Variants in TMEM117 observed in about 807,000 individuals in gnomAD.
TMEM117 encodes transmembrane protein 117.
Under a neutral mutation model 52.4 loss-of-function variants are expected in TMEM117, and 27 were observed. The observed-to-expected ratio is 0.51, with a 90% CI of 0.38 to 0.71. The LOEUF (loss-of-function observed/expected upper bound fraction) is 0.71. Among genes scored for constraint, TMEM117 ranks in the 30% least tolerant of loss-of-function variants. The probability of loss-of-function intolerance (pLI) is 0.00; values close to 1 mark genes in which losing one functional copy is unlikely to be tolerated. For missense variants in TMEM117, 556 were observed against 630.5 expected (o/e 0.88, Z 1.26); for synonymous variants, 215 against 206.3 (o/e 1.04, Z -0.36).
At chr12:44,332,123 A>G (rs1951278944) in intron 6 of TMEM117, among the ~76,000 whole-genome samples, 1 of 152,062 alleles carries the variant, frequency 6.6e-6, no homozygotes, top group African/African-American at 2.4e-5. Context: ...GAGAAGACAC[A>G]TCTTGACTGC....
intron 5 of TMEM117, among the ~76,000 whole-genome samples, chr12:44,250,266 T>C (rs752584864): frequency 1.3e-5 from 2 of 152,098 alleles, no homozygotes; most frequent in African/African-American, 2.4e-5. Context: ...ATTAGAGAAA[T>C]GCGAATCAAA....
At position 43,888,597 on chromosome 12, in the gene TMEM117, G is replaced by T. The variant is rs185318096; in HGVS notation, c.277+43669G>T. On this transcript the variant is annotated intron_variant, in intron 2 of 7. Transcript: ENST00000266534. ...GAGTCTTGCTCTATCACCCAGGCTG[G>T]AGTGCAGTGGCATGATCTCGGCTCA... is the stretch of plus-strand genomic sequence containing the variant. 7.3e-3 allele frequency among the ~76,000 whole-genome samples: 1,074 copies of T among 146,826 alleles called. 5 individuals are homozygous for T. The highest frequency in any genetic ancestry group is 0.015 in the Middle Eastern group (4 of 266).
At chr12:44,039,955 G>A (rs1946771668) in intron 3 of TMEM117, among the ~76,000 whole-genome samples, 1 of 152,174 alleles carries the variant, frequency 6.6e-6, no homozygotes. Flanking sequence ...TTTCCATAAA[G>A]GTCTTTTAAA....
At chr12:44,174,853 A>G (rs1318693944) in intron 4 of TMEM117, among the ~76,000 whole-genome samples, 1 of 152,166 alleles carries the variant, frequency 6.6e-6, no homozygotes, top group Non-Finnish European at 1.5e-5. Flanking sequence ...AACCTCTCGA[A>G]AAAAGTGGTG....
At chr12:43,946,385 TTTTTTTTTTGTTTG>T (rs1227744840) in intron 3 of TMEM117, among the ~76,000 whole-genome samples, 1 of 22,228 alleles carries the variant, frequency 4.5e-5, no homozygotes, top group African/African-American at 6.9e-5. Context: ...TCTGTTTTTT[TTTTTTTTTTGTTTG>T]TTTTTTTATC....
intron 2 of TMEM117, among the ~76,000 whole-genome samples, chr12:43,912,048 G>A (rs1360628524): frequency 7.8e-5 from 10 of 128,284 alleles, no homozygotes; most frequent in East Asian, 2.4e-4. Flanking sequence ...ACATGCACAC[G>A]TATGTTTATT....
intron 7 of TMEM117, among the ~76,000 whole-genome samples, chr12:44,379,187 AAAGGAAGG>A (rs796991000): frequency 6.6e-6 from 1 of 150,612 alleles, no homozygotes; most frequent in Non-Finnish European, 1.5e-5. Context: ...AGGAAGGAAG[AAAGGAAGG>A]AAGGAAGGAA....
In TMEM117 at chr12:44,299,520, A is replaced by G. The variant is rs538579912; in HGVS notation, c.609-60A>G. The G allele has an allele frequency of 3.4e-4, 535 of 1,571,928 alleles. 1 individual carries two copies. The highest frequency in any genetic ancestry group is 2.0e-4 in the Non-Finnish European group (232 of 1,151,140). ...ATTTAATACAACACAGATAACATGC[A>G]CTCTCTAGTATCTATATTTTATGCC... On this transcript the variant is annotated intron_variant, in intron 5 of 7. Transcript: ENST00000266534.
At chr12:44,010,869 A>T (rs1946279092) in intron 3 of TMEM117, among the ~76,000 whole-genome samples, 1 of 152,228 alleles carries the variant, frequency 6.6e-6, no homozygotes, top group South Asian at 2.1e-4. Flanking sequence ...ACATGAGCAT[A>T]CATAATCAGA....
chr12:43,877,054 A>G (rs1195702044), intron 2 of TMEM117, among the ~76,000 whole-genome samples: 4 of 152,086 alleles, frequency 2.6e-5, no homozygotes, highest in Non-Finnish European at 5.9e-5. Flanking sequence ...TTTATTTCAT[A>G]GTTTTCTTGA....
intron 3 of TMEM117, among the ~76,000 whole-genome samples, chr12:44,089,403 C>T (rs1349825763): frequency 6.6e-6 from 1 of 152,194 alleles, no homozygotes; most frequent in Non-Finnish European, 1.5e-5. Flanking sequence ...AAGCTCCCCT[C>T]TGTTGACTAG....
intron 7 of TMEM117, among the ~76,000 whole-genome samples, chr12:44,378,768 T>C (rs1394049580): frequency 6.6e-5 from 10 of 152,192 alleles, no homozygotes; most frequent in Non-Finnish European, 1.2e-4. Context: ...TTGTTGGGTT[T>C]CATTACTAAT....
At chr12:44,354,259 C>G (rs1951610495) in intron 6 of TMEM117, among the ~76,000 whole-genome samples, 1 of 152,082 alleles carries the variant, frequency 6.6e-6, no homozygotes, top group African/African-American at 2.4e-5. Context: ...TTGACTTCCT[C>G]TTTTCCTAAT....
chr12:43,951,671 G>T (rs1945225062), intron 3 of TMEM117, among the ~76,000 whole-genome samples: 2 of 152,296 alleles, frequency 1.3e-5, no homozygotes, highest in South Asian at 2.1e-4. Flanking sequence ...GTGGGGAGGG[G>T]TGGCCGTGGT....
intron 2 of TMEM117, among the ~76,000 whole-genome samples, chr12:43,898,606 A>G (rs1400174541): frequency 2.0e-5 from 3 of 152,110 alleles, no homozygotes; most frequent in Non-Finnish European, 2.9e-5. Context: ...TCAGTGTTCC[A>G]GGAGTGAGTT....
At chr12:44,364,586 G>A (rs1951765111) in intron 6 of TMEM117, among the ~76,000 whole-genome samples, 1 of 151,924 alleles carries the variant, frequency 6.6e-6, no homozygotes, top group Non-Finnish European at 1.5e-5. Flanking sequence ...TATATTTATA[G>A]GCAATGTGTC....
chr12:44,177,427 T>G (rs1274637504), intron 4 of TMEM117, among the ~76,000 whole-genome samples: 1 of 152,180 alleles, frequency 6.6e-6, no homozygotes, highest in Non-Finnish European at 1.5e-5. Context: ...CACATAATCA[T>G]AAGCACAGAC....
chr12:44,280,716 C>A (rs1383179606), intron 5 of TMEM117, among the ~76,000 whole-genome samples: 4 of 152,216 alleles, frequency 2.6e-5, no homozygotes, highest in Non-Finnish European at 4.4e-5. Flanking sequence ...TTCCTGAATT[C>A]TCTGTGCCCT....
intron 3 of TMEM117, among the ~76,000 whole-genome samples, chr12:44,030,278 T>C (rs150209952): frequency 2.3e-3 from 344 of 152,338 alleles, no homozygotes; most frequent in Non-Finnish European, 3.6e-3. Context: ...ACTGCTTCTT[T>C]GACTTTTGAA....
Sources: allele counts gnomAD v4.1 joint callset (sites outside exome capture counted in the v4.1 genomes callset), GRCh38; gene constraint gnomAD v4.1.1; transcripts MANE v1.5; gene names NCBI Gene and HGNC (gene_info 2026-07-23, HGNC 2026-07-21).